KALRN: variants seen among roughly 807,000 people sequenced by gnomAD.
KALRN encodes the protein kalirin RhoGEF kinase.
In KALRN, 70 loss-of-function variants were observed where a neutral mutation model predicts 353.7. The ratio of observed to expected loss-of-function variants is 0.20; its 90% CI spans 0.16 to 0.24. The LOEUF (loss-of-function observed/expected upper bound fraction) is 0.24, where lower values mean the gene tolerates loss of function less well. Among genes scored for constraint, KALRN ranks in the 10% least tolerant of loss-of-function variants. The pLI, the probability that KALRN is intolerant of heterozygous loss-of-function variation, is 1.00. For synonymous variants in KALRN, 1,391 were observed against 1,434.8 expected (o/e 0.97, Z 0.69); for missense variants, 2,791 against 3,756.7 (o/e 0.74, Z 6.72).
intron 13 of KALRN, among the ~76,000 whole-genome samples, chr3:124,403,141 G>A (rs1205369020): frequency 6.6e-6 from 1 of 152,092 alleles, no homozygotes; most frequent in East Asian, 1.9e-4. Context: ...CCCCTTCCCC[G>A]AGGAGCTCTC....
chr3:124,427,164 C>A (rs1222279833), intron 15 of KALRN, among the ~76,000 whole-genome samples: 1 of 152,106 alleles, frequency 6.6e-6, no homozygotes, highest in Non-Finnish European at 1.5e-5. Flanking sequence ...TGAAGTAGAT[C>A]CAAAAGAGGG....
intron 1 of KALRN, among the ~76,000 whole-genome samples, chr3:124,045,760 G>A (rs947911754): frequency 4.7e-5 from 7 of 149,252 alleles, no homozygotes; most frequent in African/African-American, 1.8e-4. Context: ...GGGGGGGGGG[G>A]GGTTGCCTGA....
intron 1 of KALRN, among the ~76,000 whole-genome samples, chr3:124,208,984 A>ATC (rs1560235913): frequency 3.3e-5 from 5 of 150,326 alleles, no homozygotes; most frequent in African/African-American, 1.2e-4. Context: ...TAATAATAAT[A>ATC]ATCATCATCA....
chr3:124,648,017 C>A lies in KALRN; in HGVS notation c.5665-2791C>A, dbSNP rs577349830. ...CTTTGTCCTCTGAGACTATTTGTGC[C>A]CTGAGCTCCAGGTGGGGCATAAGTC... On this transcript the variant is annotated intron_variant, in intron 37 of 59. Coordinates refer to ENST00000682506, the MANE Select transcript of KALRN (RefSeq NM_001388419.1). 2.6e-5 allele frequency among the ~76,000 whole-genome samples: 4 copies of A among 152,240 alleles called. No homozygotes were observed. The South Asian group carries it at 8.3e-4, about 32-fold the overall frequency.
chr3:124,242,371 G>T (rs1368280775), intron 3 of KALRN, among the ~76,000 whole-genome samples: 1 of 152,224 alleles, frequency 6.6e-6, no homozygotes, highest in Non-Finnish European at 1.5e-5. Context: ...GAGAGATGAA[G>T]TACTTGCCTA....
In KALRN at chr3:124,686,798, ATTTTTTTTTTTT is replaced by A. The variant is rs10599336; in HGVS notation, c.7378-6983_7378-6972del. On this transcript the variant is annotated intron_variant, in intron 51 of 59. Coordinates refer to ENST00000682506, the MANE Select transcript of KALRN (RefSeq NM_001388419.1). The stretch of plus-strand genomic sequence containing the variant: ...CAGCATCTATGCAAACACTGGTGAG[ATTTTTTTTTTTT>A]TTTTTTTTTTTTTTTTTTTTTTGAG... Among the ~76,000 whole-genome samples, 116 of 70,832 alleles carry A rather than the reference ATTTTTTTTTTTT, an allele frequency of 1.6e-3. 1 individual carries two copies. The highest frequency in any genetic ancestry group is 2.5e-3 in the Non-Finnish European group (91 of 36,384). The allele number at this position is 70,832 out of a possible 152,430, so 46.5% of individuals were successfully genotyped here.
At chr3:124,457,122 T>C (rs1261701818) in intron 23 of KALRN, among the ~76,000 whole-genome samples, 6 of 152,174 alleles carry the variant, frequency 3.9e-5, no homozygotes, top group Non-Finnish European at 8.8e-5. Context: ...CAGGCTGGAA[T>C]GCAGTGGCAT....
Position 124,446,949 on chromosome 3 carries a change from AT to A in KALRN, c.3552+66del, listed in dbSNP as rs2093860302. ...AACTCTCCATTCTGGCCAATTTCACATTATGGAAGCAAAGACAGCTTCTGTA... is the reference window on the plus strand; with the variant it reads ...AACTCTCCATTCTGGCCAATTTCACATATGGAAGCAAAGACAGCTTCTGTA... On this transcript the variant is annotated intron_variant, in intron 21 of 59. Transcript: ENST00000682506. 9 of 1,577,748 alleles carry A rather than the reference AT, an allele frequency of 5.7e-6. No individual in the cohort carries two copies. The East Asian group carries it at 2.0e-4, about 35-fold the overall frequency.
intron 7 of KALRN, 67 bp from the exon 8 acceptor site, chr3:124,329,794 C>T: frequency 7.7e-6 from 12 of 1,558,054 alleles, no homozygotes; most frequent in Non-Finnish European, 8.7e-6. Flanking sequence ...CTGACCCTCT[C>T]TCCATAATCC....
intron 21 of KALRN, 180 bp from the exon 22 acceptor site, chr3:124,454,997 C>T: frequency 1.6e-6 from 1 of 608,378 alleles, no homozygotes; most frequent in South Asian, 2.1e-5. Flanking sequence ...GAAATGGAGG[C>T]ACAGAGGGTT....
chr3:124,544,294 C>T (rs534367488), intron 33 of KALRN, among the ~76,000 whole-genome samples: 4 of 152,340 alleles, frequency 2.6e-5, no homozygotes, highest in African/African-American at 9.6e-5. Flanking sequence ...GGTGCAGTGG[C>T]TCATGCCTGT....
At chr3:124,558,364 G>C (rs991040115) in intron 33 of KALRN, among the ~76,000 whole-genome samples, 1 of 151,822 alleles carries the variant, frequency 6.6e-6, no homozygotes, top group African/African-American at 2.4e-5. Flanking sequence ...TGCAACCTCT[G>C]CTTCCCAGGT....
At chr3:124,291,487 C>T (rs72976520) in intron 5 of KALRN, among the ~76,000 whole-genome samples, 1,963 of 152,114 alleles carry the variant, frequency 0.013, 47 homozygotes, top group African/African-American at 0.043. Flanking sequence ...GTCAAATTAC[C>T]ATGTAAGAGG....
intron 13 of KALRN, among the ~76,000 whole-genome samples, chr3:124,404,005 G>A (rs998366338): frequency 6.6e-6 from 1 of 152,116 alleles, no homozygotes; most frequent in African/African-American, 2.4e-5. Flanking sequence ...ATCCTTGGAT[G>A]ATGCCATCCA....
chr3:124,225,379 G>A (rs998205294), intron 1 of KALRN, among the ~76,000 whole-genome samples: 1 of 152,202 alleles, frequency 6.6e-6, no homozygotes, highest in Non-Finnish European at 1.5e-5. Context: ...AGTTGTAATT[G>A]GAAATGATTG....
intron 12 of KALRN, among the ~76,000 whole-genome samples, chr3:124,396,399 G>A (rs2090160551): frequency 1.3e-5 from 2 of 152,196 alleles, no homozygotes; most frequent in South Asian, 2.1e-4. Flanking sequence ...CCTATTGCAT[G>A]CTAACAAGAC....
At chr3:124,177,594 A>G (rs545536132) in intron 1 of KALRN, among the ~76,000 whole-genome samples, 2 of 152,152 alleles carry the variant, frequency 1.3e-5, no homozygotes, top group African/African-American at 2.4e-5. Context: ...ATGGTGATAC[A>G]TTTTTGGTGT....
chr3:124,221,140 C>T (rs904568611), intron 1 of KALRN, among the ~76,000 whole-genome samples: 4 of 152,224 alleles, frequency 2.6e-5, no homozygotes, highest in Admixed American at 2.6e-4. Flanking sequence ...TTTTCATCAC[C>T]CCCTAACTCT....
chr3:124,584,456 C>T (rs1322466069), intron 34 of KALRN, among the ~76,000 whole-genome samples: 1 of 152,174 alleles, frequency 6.6e-6, no homozygotes, highest in African/African-American at 2.4e-5. Context: ...GAGGAAGTTG[C>T]ACATAAGGAG....
Sources: allele counts gnomAD v4.1 joint callset (sites outside exome capture counted in the v4.1 genomes callset), GRCh38; gene constraint gnomAD v4.1.1; transcripts MANE v1.5; gene names NCBI Gene and HGNC (gene_info 2026-07-23, HGNC 2026-07-21).